The following PTH1R variants were observed in gnomAD, a reference collection of about 807,000 sequenced individuals.
PTH1R encodes the protein parathyroid hormone/parathyroid hormone-related peptide receptor.
In PTH1R, 32 loss-of-function variants were observed where a neutral mutation model predicts 70.7. The observed-to-expected ratio is 0.45, with a 90% CI of 0.34 to 0.61. The LOEUF (loss-of-function observed/expected upper bound fraction) is 0.61, where lower values mean the gene tolerates loss of function less well. PTH1R is among the 20% of genes least tolerant of loss of function. The pLI is 0.01. For synonymous variants in PTH1R, 329 were observed against 324.8 expected (o/e 1.01, Z -0.14); for missense variants, 626 against 792.5 (o/e 0.79, Z 2.52).
intron 5 of PTH1R, 94 bp downstream of exon 5, chr3:46,895,963 C>A (rs1486904960): frequency 4.1e-6 from 6 of 1,479,766 alleles, no homozygotes; most frequent in Non-Finnish European, 4.6e-6. Flanking sequence ...TGCTTCTTGG[C>A]TCTTATAGAA....
chr3:46,897,852 C>A lies in PTH1R; in HGVS notation c.314-3C>A. 6.2e-7 allele frequency: 1 copy of A among 1,612,822 alleles called. No homozygotes were observed. The highest frequency in any genetic ancestry group is 8.5e-7 in the Non-Finnish European group (1 of 1,179,880). Reference sequence around the variant, plus strand: ...CCCCTACCCTGTCTGTCTCTGGGCACAGGGCGCCCCTGTCTGCCGGAATGG... The same window carrying A: ...CCCCTACCCTGTCTGTCTCTGGGCAAAGGGCGCCCCTGTCTGCCGGAATGG... On this transcript the variant is annotated splice_polypyrimidine_tract_variant and splice_region_variant and intron_variant, in intron 5 of 15. Transcript: ENST00000449590.
intron 10 of PTH1R, 87 bp from the exon 11 acceptor site, chr3:46,900,938 T>G (rs1575524265): frequency 7.0e-7 from 1 of 1,432,368 alleles, no homozygotes. Flanking sequence ...AATGGTGGGG[T>G]AAGCTGGGGG....
intron 10 of PTH1R, among the ~76,000 whole-genome samples, chr3:46,900,180 C>T (rs1158028312): frequency 1.3e-5 from 2 of 152,176 alleles, no homozygotes; most frequent in African/African-American, 2.4e-5. Flanking sequence ...CCACCGCCTC[C>T]CTGCCCCTCG....
rs2030418926 is a variant in PTH1R at position 46,879,385 on chromosome 3, C to T, written c.-106+1542C>T. Among the ~76,000 whole-genome samples, 1 of 152,164 alleles carries T rather than the reference C, an allele frequency of 6.6e-6. No individual in the cohort carries two copies. The highest frequency in any genetic ancestry group is 2.4e-5 in the African/African-American group (1 of 41,420). On this transcript the variant is annotated intron_variant, in intron 1 of 15. Transcript: ENST00000449590. The surrounding 1 kb of genome is among the most constrained non-coding windows in gnomAD (Gnocchi z 4.7). The stretch of plus-strand genomic sequence containing the variant: ...CTCCATTAATGTTCTTTTCTCATCA[C>T]CAAGGGGGAAAGCAGGGTGGAAGAT...
At chr3:46,895,078 AAAAAACAAACAAAC>A (rs1299392279) in intron 4 of PTH1R, among the ~76,000 whole-genome samples, 1 of 107,072 alleles carries the variant, frequency 9.3e-6, no homozygotes, top group Non-Finnish European at 2.3e-5. Flanking sequence ...AAAAAAACAA[AAAAAACAAACAAAC>A]AAAAAAAAAA....
intron 3 of PTH1R, among the ~76,000 whole-genome samples, chr3:46,890,949 C>G (rs887753453): frequency 3.3e-5 from 5 of 152,168 alleles, no homozygotes; most frequent in Non-Finnish European, 7.4e-5. Context: ...GAGGGCACAG[C>G]TGGAGGGAGG....
At position 46,898,689 on chromosome 3, in the gene PTH1R, C is replaced by T. The variant is rs1382935896; in HGVS notation, c.666C>T (p.Ile222=). Reference sequence around the variant, plus strand: ...GGCTGCACTGCACGCGCAACTACATCCACATGCACCTGTTCCTGTCCTTCA... The same window carrying T: ...GGCTGCACTGCACGCGCAACTACATTCACATGCACCTGTTCCTGTCCTTCA... ...FRRLHCTRNY[I]HMHLFLSFML... The change falls in exon 9 of 16, where the codon ATC becomes ATT. Residue 222 remains isoleucine (I), a synonymous_variant. Transcript: ENST00000449590. 3.7e-6 allele frequency: 6 copies of T among 1,612,542 alleles called. No individual in the cohort carries two copies. The East Asian group carries it at 1.3e-4, about 36-fold the overall frequency.
Position 46,896,063 on chromosome 3 carries a change from C to G in PTH1R, c.313+194C>G, listed in dbSNP as rs2031732858. On this transcript the variant is annotated intron_variant, in intron 5 of 15. Coordinates refer to ENST00000449590, the MANE Select transcript of PTH1R (RefSeq NM_000316.3). The surrounding 1 kb of genome is among the most constrained non-coding windows in gnomAD (Gnocchi z 4.1). ...AAGGGGAGCTAGATGGCTCAGGCCT[C>G]AGAAAGAGATGAACAGAGAACTCTC... Among the ~76,000 whole-genome samples, 1 of 152,222 alleles carries G rather than the reference C, an allele frequency of 6.6e-6. No homozygotes were observed. The highest frequency in any genetic ancestry group is 2.1e-4 in the South Asian group (1 of 4,828).
intron 5 of PTH1R, 73 bp from the exon 6 acceptor site, chr3:46,897,782 C>T: frequency 9.3e-6 from 12 of 1,292,444 alleles, no homozygotes; most frequent in Non-Finnish European, 1.2e-5. Context: ...CAGATGTATT[C>T]ATCCTTCTGG....
chr3:46,896,872 G>A lies in PTH1R; in HGVS notation c.314-983G>A, dbSNP rs147435522. Among the ~76,000 whole-genome samples the A allele has an allele frequency of 6.6e-6, 1 of 152,312 alleles. No homozygotes were observed. The highest frequency in any genetic ancestry group is 6.5e-5 in the Admixed American group (1 of 15,306). ...CATTAGCACTTAGATTTGGGGAATC[G>A]ATCTCCCCCAGCAGTGGCCGTGGGA... On this transcript the variant is annotated intron_variant, in intron 5 of 15. Coordinates refer to ENST00000449590, the MANE Select transcript of PTH1R (RefSeq NM_000316.3). This position sits in a 1 kb window ranked among gnomAD's most constrained non-coding sequence, Gnocchi z 4.1.
intron 3 of PTH1R, among the ~76,000 whole-genome samples, chr3:46,885,825 G>C (rs2030984586): frequency 6.6e-6 from 1 of 152,092 alleles, no homozygotes; most frequent in South Asian, 2.1e-4. Context: ...CCTCTCCTGA[G>C]CCCAGAGGGC....
chr3:46,895,598 C>A, intron 4 of PTH1R, 137 bp from the exon 5 acceptor site: 1 of 1,333,854 alleles, frequency 7.5e-7, no homozygotes, highest in Non-Finnish European at 1.1e-6. Flanking sequence ...CGTCTCAGAT[C>A]TCCCAACAGC....
rs902593890 is a variant in PTH1R, at chr3:46,893,771, T to A, written c.76-136T>A. On this transcript the variant is annotated intron_variant, in intron 3 of 15. Transcript: ENST00000449590. This position sits in a 1 kb window ranked among gnomAD's most constrained non-coding sequence, Gnocchi z 5.2. Reference sequence around the variant, plus strand: ...AGCTCCATAGAGCAGATTCCCCACATGCAGGGGAAATCCCACCTTCCCTCT... The same window carrying A: ...AGCTCCATAGAGCAGATTCCCCACAAGCAGGGGAAATCCCACCTTCCCTCT... 13 of 790,398 alleles carry A rather than the reference T, an allele frequency of 1.6e-5. No homozygotes were observed. In the East Asian group the frequency reaches 3.5e-4, roughly 21 times the overall value. The allele number at this position is 790,398 out of a possible 1,614,324, so 49.0% of individuals were successfully genotyped here.
chr3:46,900,519 A>C (rs570223259), intron 10 of PTH1R, among the ~76,000 whole-genome samples: 14 of 152,120 alleles, frequency 9.2e-5, no homozygotes, highest in Admixed American at 7.9e-4. Flanking sequence ...GCAGGCCAGG[A>C]CATACTGACA....
In PTH1R at chr3:46,892,112, G is replaced by A. The variant is rs965727856; in HGVS notation, c.76-1795G>A. ...GTCTACCTCTGCCCCAGCCAGCTCA[G>A]CCATAGCTGGGGAAGCAAAGAGACT... On this transcript the variant is annotated intron_variant, in intron 3 of 15. Transcript: ENST00000449590. This position sits in a 1 kb window ranked among gnomAD's most constrained non-coding sequence, Gnocchi z 5.2. Among the ~76,000 whole-genome samples the A allele has an allele frequency of 3.9e-5, 6 of 152,146 alleles. No homozygotes were observed. Among genetic ancestry groups the A allele is most frequent in the Non-Finnish European group, 7.4e-5 (5 of 68,024 alleles).
Position 46,899,323 on chromosome 3 carries a change from G to A in PTH1R, c.855G>A (p.Val285=). The A allele has an allele frequency of 1.2e-6, 2 of 1,613,996 alleles. No homozygotes were observed. Among genetic ancestry groups the A allele is most frequent in the Non-Finnish European group, 1.7e-6 (2 of 1,180,016 alleles). ...AAGYAGCRVA[V]TFFLYFLATN... ...CTTAGGCGGGCTGCAGGGTGGCTGT[G>A]ACCTTCTTCCTTTACTTCCTGGCCA... The change falls in exon 10 of 16, where the codon GTG becomes GTA. Residue 285 remains valine (V), a synonymous_variant. Coordinates refer to ENST00000449590, the MANE Select transcript of PTH1R (RefSeq NM_000316.3).
chr3:46,891,225 A>T lies in PTH1R; in HGVS notation c.76-2682A>T, dbSNP rs1324376237. 6.6e-6 allele frequency among the ~76,000 whole-genome samples: 1 copy of T among 152,212 alleles called. No homozygotes were observed. The highest frequency in any genetic ancestry group is 1.5e-5 in the Non-Finnish European group (1 of 68,034). ...AAGCACATATCTTTCCCTCTCCTGA[A>T]CATCCCAACTCCAGAAAAAGGGGTG... On this transcript the variant is annotated intron_variant, in intron 3 of 15. Coordinates refer to ENST00000449590, the MANE Select transcript of PTH1R (RefSeq NM_000316.3). This position sits in a 1 kb window ranked among gnomAD's most constrained non-coding sequence, Gnocchi z 4.3.
At chr3:46,895,075 CAAAA>C (rs1167277169) in intron 4 of PTH1R, among the ~76,000 whole-genome samples, 9 of 121,890 alleles carry the variant, frequency 7.4e-5, no homozygotes, top group East Asian at 2.6e-4. Context: ...AAAAAAAAAA[CAAAA>C]AAAACAAACA....
At position 46,903,156 on chromosome 3, in the gene PTH1R, T is replaced by C; in HGVS notation, c.1396-114T>C. 1 of 1,535,442 alleles carries C rather than the reference T, an allele frequency of 6.5e-7. No individual in the cohort carries two copies. The highest frequency in any genetic ancestry group is 8.8e-7 in the Non-Finnish European group (1 of 1,136,090). On this transcript the variant is annotated intron_variant, in intron 15 of 15. Transcript: ENST00000449590. This position sits in a 1 kb window ranked among gnomAD's most constrained non-coding sequence, Gnocchi z 4.4. ...ATGGGATTTCACTTGGCCTTGGAGTTTCCCAGGAGTCCCCTATTCCCATTT... is the reference window on the plus strand; with the variant it reads ...ATGGGATTTCACTTGGCCTTGGAGTCTCCCAGGAGTCCCCTATTCCCATTT...
Sources: gnomAD v4.1 joint callset for allele counts (sites outside exome capture counted in the v4.1 genomes callset) on GRCh38, gnomAD v4.1.1 for gene constraint, Gnocchi (gnomAD v3.1) non-coding constraint, MANE v1.5 for transcripts, NCBI Gene and HGNC (gene_info 2026-07-23, HGNC 2026-07-21) for gene names.